The following SPATA18 variants were observed in gnomAD, a reference collection of about 807,000 sequenced individuals.
SPATA18 encodes the protein mitochondria-eating protein.
SPATA18 carries 54 observed loss-of-function variants against 68.1 expected under a neutral mutation model. The observed-to-expected ratio is 0.79, with a 90% confidence interval of 0.64 to 0.99. The LOEUF (loss-of-function observed/expected upper bound fraction) is 0.99, where lower values mean the gene tolerates loss of function less well. SPATA18 is among the 50% of genes least tolerant of loss of function. The pLI, the probability that SPATA18 is intolerant of heterozygous loss-of-function variation, is 0.00. For missense variants in SPATA18, 724 were observed against 681.1 expected (o/e 1.06, Z -0.70); for synonymous variants, 242 against 244.8 (o/e 0.99, Z 0.11).
chr4:52,072,250 C>T (rs1036728976), intron 6 of SPATA18, 94 bp downstream of exon 6: 5 of 1,524,010 alleles, frequency 3.3e-6, no homozygotes, highest in Non-Finnish European at 4.4e-6. Context: ...TAAAATGATA[C>T]CCTGAACCAA....
chr4:52,084,050 C>CA (rs34421319), intron 10 of SPATA18, among the ~76,000 whole-genome samples: 248 of 129,408 alleles, frequency 1.9e-3, no homozygotes, highest in African/African-American at 6.4e-3. Context: ...GAGATCCTGT[C>CA]AAAAAAAAAA....
chr4:52,084,611 G>A (rs1374909220), intron 10 of SPATA18, among the ~76,000 whole-genome samples: 1 of 152,120 alleles, frequency 6.6e-6, no homozygotes, highest in Non-Finnish European at 1.5e-5. Context: ...ACATTCTCCA[G>A]CACTAACAAA....
At chr4:52,051,918 C>G (rs1201735481) in intron 1 of SPATA18, 127 bp downstream of exon 1, 3 of 801,840 alleles carry the variant, frequency 3.7e-6, no homozygotes, top group Non-Finnish European at 6.3e-6. Flanking sequence ...GATTCCTAAC[C>G]AGGATCTCAG....
At chr4:52,094,090 G>A (rs1742216500) in intron 11 of SPATA18, among the ~76,000 whole-genome samples, 1 of 152,118 alleles carries the variant, frequency 6.6e-6, no homozygotes, top group South Asian at 2.1e-4. Flanking sequence ...TTGTGGTTCC[G>A]GTGCAGTACC....
chr4:52,055,195 C>G (rs182172727), intron 1 of SPATA18, among the ~76,000 whole-genome samples: 1 of 152,146 alleles, frequency 6.6e-6, no homozygotes, highest in Admixed American at 6.5e-5. Flanking sequence ...ATATTTTATT[C>G]TTTTCTATTA....
chr4:52,077,492 T>C (rs902958043), intron 7 of SPATA18, among the ~76,000 whole-genome samples: 1 of 151,748 alleles, frequency 6.6e-6, no homozygotes, highest in African/African-American at 2.4e-5. Flanking sequence ...TCGATAACTA[T>C]TCATATATAT....
intron 11 of SPATA18, among the ~76,000 whole-genome samples, chr4:52,091,475 A>G (rs1052951417): frequency 6.6e-6 from 1 of 151,580 alleles, no homozygotes; most frequent in Non-Finnish European, 1.5e-5. Flanking sequence ...GGGGTCTTTG[A>G]GTGGACATGC....
In SPATA18 at chr4:52,051,680, G is replaced by A. The variant is rs1737882466; in HGVS notation, c.-25G>A. On this transcript the variant is annotated 5_prime_UTR_variant, in exon 1 of 13. The change creates a new upstream start codon in the 5' untranslated region. Coordinates refer to ENST00000295213, the MANE Select transcript of SPATA18 (RefSeq NM_145263.4). ...TCCCCCCAAGTCTCCATCGCGCAGC[G>A]TGGGGCCGAGAGGAATAGTGAGCGA... 6.2e-7 allele frequency: 1 copy of A among 1,612,384 alleles called. No individual in the cohort carries two copies. Among genetic ancestry groups the A allele is most frequent in the Non-Finnish European group, 8.5e-7 (1 of 1,178,482 alleles).
intron 4 of SPATA18, among the ~76,000 whole-genome samples, chr4:52,065,270 T>C (rs1739224969): frequency 6.6e-6 from 1 of 152,228 alleles, no homozygotes; most frequent in African/African-American, 2.4e-5. Flanking sequence ...TTGTTTCTTC[T>C]GCTGTGCAGA....
rs1738792263 is a variant in SPATA18, at chr4:52,060,910, A to C, written c.309+13A>C. The C allele has an allele frequency of 6.3e-7, 1 of 1,596,988 alleles. No individual in the cohort carries two copies. Among genetic ancestry groups the C allele is most frequent in the African/African-American group, 1.3e-5 (1 of 74,688 alleles). On this transcript the variant is annotated intron_variant, in intron 3 of 12. Transcript: ENST00000295213. ...CCCCTCTCTGCAGGTAGGGATGCTG[A>C]AGGATAACCCTTGACTTTCTGAACA...
rs190598289 is a variant in SPATA18, at chr4:52,080,243, A to G, written c.1355+324A>G. Reference sequence around the variant, plus strand: ...GCATTACTCAGGCCAGGCTTCTCAAAGTATGATGTGTGGATCACCTGCATC... The same window carrying G: ...GCATTACTCAGGCCAGGCTTCTCAAGGTATGATGTGTGGATCACCTGCATC... On this transcript the variant is annotated intron_variant, in intron 9 of 12. Transcript: ENST00000295213. Among the ~76,000 whole-genome samples the G allele has an allele frequency of 1.2e-4, 18 of 152,360 alleles. No individual in the cohort carries two copies. In the East Asian group the frequency reaches 3.5e-3, roughly 29 times the overall value.
At chr4:52,076,636 A>G (rs770106513) in intron 6 of SPATA18, 143 bp from the exon 7 acceptor site, 14 of 1,067,238 alleles carry the variant, frequency 1.3e-5, no homozygotes, top group Non-Finnish European at 1.9e-5. Context: ...GAGTCAGATA[A>G]TAGGGAAGTC....
intron 4 of SPATA18, among the ~76,000 whole-genome samples, chr4:52,063,591 G>A (rs1428745255): frequency 1.3e-5 from 2 of 152,124 alleles, no homozygotes; most frequent in South Asian, 2.1e-4. Flanking sequence ...AGTCATTTTT[G>A]GTTTATCGTA....
In SPATA18 at chr4:52,076,878, G is replaced by A. The variant is rs2109479109; in HGVS notation, c.858G>A (p.Pro286=). ...CCACCGCTGTCAAGGTCAGGAGACC[G>A]TCCCCAAACCGCTCCAAGCTGTCCA... ...SPSTAVKVRR[P]SPNRSKLSNV... is the part of the protein sequence containing the mutation. The change falls in exon 7 of 13, where the codon CCG becomes CCA. Residue 286 remains proline (P), a synonymous_variant. Transcript: ENST00000295213. The A allele has an allele frequency of 6.2e-7, 1 of 1,614,186 alleles. No individual in the cohort carries two copies. The highest frequency in any genetic ancestry group is 8.5e-7 in the Non-Finnish European group (1 of 1,180,018).
At position 52,072,183 on chromosome 4, in the gene SPATA18, C is replaced by A. The variant is rs1168942231; in HGVS notation, c.758+27C>A. ...TCAGACAAACTCTCAAAGATCTTCT[C>A]ATTTAGGCTCTTTTTGCTGAGTTAA... On this transcript the variant is annotated intron_variant, in intron 6 of 12. Coordinates refer to ENST00000295213, the MANE Select transcript of SPATA18 (RefSeq NM_145263.4). 8 of 1,609,762 alleles carry A rather than the reference C, an allele frequency of 5.0e-6. No homozygotes were observed. The East Asian group carries it at 1.8e-4, about 36-fold the overall frequency.
rs2109487588 is a variant in SPATA18, at chr4:52,078,718, T to C, written c.1021-17T>C. 1 of 1,511,604 alleles carries C rather than the reference T, an allele frequency of 6.6e-7. No homozygotes were observed. The highest frequency in any genetic ancestry group is 9.0e-7 in the Non-Finnish European group (1 of 1,112,684). The allele number at this position is 1,511,604 out of a possible 1,614,324, so 93.6% of individuals were successfully genotyped here. A position where few individuals can be genotyped will look rare whatever the true frequency, so the allele number is the denominator to read the frequency against. On this transcript the variant is annotated splice_polypyrimidine_tract_variant and intron_variant, in intron 7 of 12. Transcript: ENST00000295213. ...ACCTCTTTTCACCAAATAAATTTGC[T>C]GCATTTTTATGTGCAGGAGGCATTC...
intron 10 of SPATA18, chr4:52,083,126 C>T (rs1741096908): frequency 1.0e-6 from 1 of 985,218 alleles, no homozygotes; most frequent in Non-Finnish European, 1.2e-6. Context: ...CGTATGTGAG[C>T]ATGTGGGTGT....
chr4:52,059,356 C>T (rs1352830538), intron 1 of SPATA18, among the ~76,000 whole-genome samples: 2 of 152,240 alleles, frequency 1.3e-5, no homozygotes, highest in East Asian at 3.8e-4. Flanking sequence ...TGCATTTTTA[C>T]AACCACATGA....
chr4:52,072,229 A>G lies in SPATA18; in HGVS notation c.758+73A>G. 1.9e-6 allele frequency: 3 copies of G among 1,557,860 alleles called. No homozygotes were observed. The South Asian group carries it at 3.7e-5, about 19-fold the overall frequency. ...GTTAAGGGATCGGGGAGGAGGAAATAAGTAAAATGATAAAATGATACCCTG... is the reference window on the plus strand; with the variant it reads ...GTTAAGGGATCGGGGAGGAGGAAATGAGTAAAATGATAAAATGATACCCTG... On this transcript the variant is annotated intron_variant, in intron 6 of 12. Transcript: ENST00000295213.
Sources: allele counts gnomAD v4.1 joint callset (sites outside exome capture counted in the v4.1 genomes callset), GRCh38; gene constraint gnomAD v4.1.1; transcripts MANE v1.5; gene names NCBI Gene and HGNC (gene_info 2026-07-23, HGNC 2026-07-21).